LMO2: variants seen among roughly 807,000 people sequenced by gnomAD.
LMO2 encodes the protein LIM domain only 2, also known as rhombotin-2.
In LMO2, 20 loss-of-function variants were observed where a neutral mutation model predicts 23.2. That is an observed-to-expected ratio of 0.86 (90% CI 0.61 to 1.25). LMO2 has a LOEUF of 1.25. Among genes scored for constraint, LMO2 ranks in the 50% most tolerant of loss-of-function variants. LMO2 has a pLI of 0.00. For synonymous variants in LMO2, 123 were observed against 130.2 expected (o/e 0.94, Z 0.38); for missense variants, 270 against 315.3 (o/e 0.86, Z 1.09).
chr11:33,863,599 T>C (rs776464183), intron 5 of LMO2, among the ~76,000 whole-genome samples: 35 of 152,162 alleles, frequency 2.3e-4, no homozygotes, highest in African/African-American at 8.2e-4. Flanking sequence ...AGCTACACAG[T>C]TGAGCAGATC....
At chr11:33,879,636 G>A (rs541506421) in intron 2 of LMO2, among the ~76,000 whole-genome samples, 15 of 152,112 alleles carry the variant, frequency 9.9e-5, no homozygotes, top group African/African-American at 2.7e-4. Context: ...CAACCTGGGC[G>A]ACAGAGCAAG....
rs954686453 is a variant in LMO2, at chr11:33,869,333, G to A, written c.248+13C>T. On this transcript the variant is annotated intron_variant, in intron 4 of 5. Transcript: ENST00000257818. Reference sequence around the variant, plus strand: ...GACACCGGGGGTGGCAGGGGCAGGGGGGCCGCACTTACTCTGAAGGGTCCA... The same window carrying A: ...GACACCGGGGGTGGCAGGGGCAGGGAGGCCGCACTTACTCTGAAGGGTCCA... 5 of 1,191,884 alleles carry A rather than the reference G, an allele frequency of 4.2e-6. No homozygotes were observed. Among genetic ancestry groups the A allele is most frequent in the African/African-American group, 1.6e-5 (1 of 62,308 alleles). 73.8% of individuals were successfully genotyped at this position (1,191,884 alleles called of 1,614,324 possible).
chr11:33,860,920 G>C (rs1306591515), intron 5 of LMO2, among the ~76,000 whole-genome samples: 1 of 152,214 alleles, frequency 6.6e-6, no homozygotes, highest in African/African-American at 2.4e-5. Context: ...TGACATTTGA[G>C]AATCAACAGC....
At chr11:33,870,859 C>A (rs752439474) in intron 2 of LMO2, among the ~76,000 whole-genome samples, 1 of 152,156 alleles carries the variant, frequency 6.6e-6, no homozygotes, top group Non-Finnish European at 1.5e-5. Context: ...CCCCTCTCAG[C>A]CTCCTTCTAG....
At chr11:33,876,521 T>C (rs760435907) in intron 2 of LMO2, among the ~76,000 whole-genome samples, 3 of 152,222 alleles carry the variant, frequency 2.0e-5, no homozygotes, top group Non-Finnish European at 2.9e-5. Flanking sequence ...AGGTCCTTTG[T>C]TTTTCTTGAG....
At chr11:33,859,655 A>AAGGAGGCCGAACTTTCAGGATGTC in intron 5 of LMO2, 80 bp from the exon 6 acceptor site, 1 of 1,309,632 alleles carries the variant, frequency 7.6e-7, no homozygotes, top group Non-Finnish European at 1.1e-6. Flanking sequence ...GAGCCCTAGA[A>AAGGAGGCCGAACTTTCAGGATGTC]AGGAGGCCGA....
Position 33,875,700 on chromosome 11 carries a change from C to G in LMO2, c.-271-5713G>C, listed in dbSNP as rs112819758. 8.1e-3 allele frequency among the ~76,000 whole-genome samples: 1,238 copies of G among 152,266 alleles called. 19 individuals carry two copies. Among genetic ancestry groups the G allele is most frequent in the African/African-American group, 0.028 (1,174 of 41,536 alleles). ...CCACCTCAGGCCATTGTCAAACCTTCCCCCACCTTCTCCTTTGGGTACCAA... is the reference window on the plus strand; with the variant it reads ...CCACCTCAGGCCATTGTCAAACCTTGCCCCACCTTCTCCTTTGGGTACCAA... On this transcript the variant is annotated intron_variant, in intron 2 of 5. Transcript: ENST00000257818.
chr11:33,871,122 T>G (rs1392567844), intron 2 of LMO2: 1 of 923,878 alleles, frequency 1.1e-6, no homozygotes, highest in East Asian at 1.2e-4. Context: ...TAACCAGAGT[T>G]TACTACTGCC....
At chr11:33,884,924 G>A (rs9282775) in intron 1 of LMO2, among the ~76,000 whole-genome samples, 30 of 152,152 alleles carry the variant, frequency 2.0e-4, no homozygotes, top group African/African-American at 6.8e-4. Context: ...TGTTACGTGG[G>A]CTGATAGGAC....
Position 33,864,844 on chromosome 11 carries a change from C to A in LMO2, c.249-27G>T. The A allele has an allele frequency of 1.3e-6, 2 of 1,599,852 alleles. No individual in the cohort carries two copies. Among genetic ancestry groups the A allele is most frequent in the Non-Finnish European group, 1.7e-6 (2 of 1,169,454 alleles). On this transcript the variant is annotated intron_variant, in intron 4 of 5. Coordinates refer to ENST00000257818, the MANE Select transcript of LMO2 (RefSeq NM_005574.4). This position sits in a 1 kb window ranked among gnomAD's most constrained non-coding sequence, Gnocchi z 4.8. ...TGGAGAGAAGGCCAAGCATCAGGGA[C>A]AGCCTCACCAGAGTGAGACCAGCAC...
chr11:33,865,500 G>A (rs986009309), intron 4 of LMO2, among the ~76,000 whole-genome samples: 3 of 152,186 alleles, frequency 2.0e-5, no homozygotes, highest in Non-Finnish European at 4.4e-5. Flanking sequence ...CCTACTGAAG[G>A]AATACTTGGA....
At chr11:33,860,172 A>T (rs984653400) in intron 5 of LMO2, among the ~76,000 whole-genome samples, 1 of 152,170 alleles carries the variant, frequency 6.6e-6, no homozygotes, top group African/African-American at 2.4e-5. Context: ...GTTCCACAGA[A>T]AACACGCGGT....
At chr11:33,878,159 C>A (rs528094393) in intron 2 of LMO2, among the ~76,000 whole-genome samples, 2 of 56,796 alleles carry the variant, frequency 3.5e-5, no homozygotes, top group East Asian at 5.2e-3. Context: ...AGGTCGAGAC[C>A]AAATTTCCCA....
chr11:33,884,883 C>T (rs1005781808), intron 1 of LMO2, among the ~76,000 whole-genome samples: 1 of 152,200 alleles, frequency 6.6e-6, no homozygotes, highest in Non-Finnish European at 1.5e-5. Context: ...TTTTGCCCTT[C>T]AGTGAAAGCT....
Position 33,880,241 on chromosome 11 carries a change from T to TATATACACATGATATATATATC in LMO2, c.-272+1561_-272+1582dup, listed in dbSNP as rs1454822883. 5.4e-5 allele frequency among the ~76,000 whole-genome samples: 8 copies of TATATACACATGATATATATATC among 147,586 alleles called. No individual in the cohort carries two copies. Among genetic ancestry groups the TATATACACATGATATATATATC allele is most frequent in the African/African-American group, 2.0e-4 (8 of 39,904 alleles). The stretch of plus-strand genomic sequence containing the variant: ...ATATATACACATGATATATATATCA[T>TATATACACATGATATATATATC]ATATACACATGATATATATATCATA... On this transcript the variant is annotated intron_variant, in intron 2 of 5. Transcript: ENST00000257818. This position sits in a 1 kb window ranked among gnomAD's most constrained non-coding sequence, Gnocchi z 4.3.
At chr11:33,871,033 G>C (rs2133701512) in intron 2 of LMO2, 1 of 980,480 alleles carries the variant, frequency 1.0e-6, no homozygotes, top group East Asian at 1.1e-4. Context: ...CTTGTAAAGA[G>C]GGAACGTACT....
chr11:33,871,018 T>G, intron 2 of LMO2: 1 of 969,298 alleles, frequency 1.0e-6, no homozygotes, highest in South Asian at 4.8e-5. Flanking sequence ...TGCCAGTCAT[T>G]AAGGCTTGTA....
chr11:33,883,143 C>T (rs1049415430), intron 1 of LMO2, among the ~76,000 whole-genome samples: 1 of 152,164 alleles, frequency 6.6e-6, no homozygotes, highest in African/African-American at 2.4e-5. Context: ...GGATGAGTTC[C>T]ATAAGTGCAG....
At position 33,869,556 on chromosome 11, in the gene LMO2, C is replaced by T. The variant is rs1856932082; in HGVS notation, c.38G>A (p.Gly13Glu). The T allele has an allele frequency of 6.2e-6, 8 of 1,292,528 alleles. No homozygotes were observed. Among genetic ancestry groups the T allele is most frequent in the Non-Finnish European group, 7.9e-6 (8 of 1,007,308 alleles). The allele number at this position is 1,292,528 out of a possible 1,614,324, so 80.1% of individuals were successfully genotyped here. A position where few individuals can be genotyped will look rare whatever the true frequency, so the allele number is the denominator to read the frequency against. Reference sequence around the variant, plus strand: ...CCGGCGCTCCGCCGGCGAGCTCGCCCCTCCGCGCTCAAGGACAGTCACCGC... The same window carrying T: ...CCGGCGCTCCGCCGGCGAGCTCGCCTCTCCGCGCTCAAGGACAGTCACCGC... Reference protein sequence around the residue: ...GSAVTVLERGGASSPAERRSK... With the variant: ...GSAVTVLERGEASSPAERRSK... The change falls in exon 4 of 6, where the codon GGG (glycine) becomes GAG (glutamate). Residue 13 changes from glycine (G) to glutamate (E), a missense_variant. Transcript: ENST00000257818.
Sources: gnomAD v4.1 joint callset for allele counts (sites outside exome capture counted in the v4.1 genomes callset) on GRCh38, gnomAD v4.1.1 for gene constraint, Gnocchi (gnomAD v3.1) non-coding constraint, MANE v1.5 for transcripts, NCBI Gene and HGNC (gene_info 2026-07-23, HGNC 2026-07-21) for gene names.